The following CAST variants were observed in gnomAD, a reference collection of about 807,000 sequenced individuals.
The protein encoded by CAST is calpastatin.
Under a neutral mutation model 119.6 loss-of-function variants are expected in CAST, and 76 were observed. The observed-to-expected ratio is 0.64, with a 90% CI of 0.53 to 0.77. The LOEUF (loss-of-function observed/expected upper bound fraction) is 0.77. Ranked by LOEUF, CAST falls within the 30% of genes least tolerant of loss-of-function variation. CAST has a pLI of 0.00. For synonymous variants in CAST, 319 were observed against 331.6 expected (o/e 0.96, Z 0.41); for missense variants, 953 against 946.5 (o/e 1.01, Z -0.09).
the CAST span, among the ~76,000 whole-genome samples, chr5:96,240,121 C>T: frequency 6.6e-6 from 1 of 152,098 alleles, no homozygotes; most frequent in Non-Finnish European, 1.5e-5. Context: ...ATTTATTATA[C>T]CATAGATTAT....
chr5:96,660,412 G>A (rs1748259428), upstream of CAST, among the ~76,000 whole-genome samples: 1 of 152,246 alleles, frequency 6.6e-6, no homozygotes, highest in South Asian at 2.1e-4. Flanking sequence ...CTGGAGGACA[G>A]GCAATGTATC....
At chr5:96,176,522 C>A in the CAST span, among the ~76,000 whole-genome samples, 1 of 152,052 alleles carries the variant, frequency 6.6e-6, no homozygotes, top group Non-Finnish European at 1.5e-5. Context: ...AGGTAAGATG[C>A]CAAGTTTTTG....
At chr5:96,002,035 G>A in the CAST span, among the ~76,000 whole-genome samples, 1 of 152,194 alleles carries the variant, frequency 6.6e-6, no homozygotes, top group Admixed American at 6.5e-5. Flanking sequence ...CTGCTTATAT[G>A]TGAGTAATGG....
chr5:96,663,053 G>T, intron 1 of CAST: 1 of 700,498 alleles, frequency 1.4e-6, no homozygotes, highest in South Asian at 1.5e-5. Context: ...GCCAAGCGGA[G>T]TGTGAGCCCG....
chr5:96,730,462 G>T (rs1251436176), intron 8 of CAST, among the ~76,000 whole-genome samples: 2 of 152,166 alleles, frequency 1.3e-5, no homozygotes, highest in African/African-American at 2.4e-5. Flanking sequence ...TGAAAAATCA[G>T]ACTATCTAGT....
intron 1 of CAST, chr5:96,663,311 G>T (rs1183335479): frequency 1.5e-6 from 1 of 685,272 alleles, no homozygotes; most frequent in Non-Finnish European, 2.7e-6. Flanking sequence ...CGACCTCCTC[G>T]CAGACCTTCA....
At chr5:96,155,404 C>T in the CAST span, among the ~76,000 whole-genome samples, 2 of 152,188 alleles carry the variant, frequency 1.3e-5, no homozygotes, top group Non-Finnish European at 2.9e-5. Flanking sequence ...ATAACAAATT[C>T]AGCCTGAAGG....
At chr5:96,075,275 G>C in the CAST span, among the ~76,000 whole-genome samples, 1 of 152,190 alleles carries the variant, frequency 6.6e-6, no homozygotes, top group African/African-American at 2.4e-5. Context: ...AAGATGAAAT[G>C]TAAGGCTTTA....
the CAST span, among the ~76,000 whole-genome samples, chr5:96,143,103 AC>A: frequency 6.6e-6 from 1 of 152,264 alleles, no homozygotes; most frequent in African/African-American, 2.4e-5. Flanking sequence ...TGATATTGTA[AC>A]AACTAAAAGT....
chr5:95,996,904 C>T, the CAST span, among the ~76,000 whole-genome samples: 3 of 152,136 alleles, frequency 2.0e-5, no homozygotes, highest in African/African-American at 7.2e-5. Context: ...GATGTTAATC[C>T]AGTGCCTGGC....
chr5:96,357,062 G>A, the CAST span, among the ~76,000 whole-genome samples: 1 of 152,140 alleles, frequency 6.6e-6, no homozygotes, highest in Admixed American at 6.5e-5. Flanking sequence ...CTTGTAAGTT[G>A]CATTCCTAGG....
the CAST span, among the ~76,000 whole-genome samples, chr5:96,070,389 G>T: frequency 3.3e-5 from 5 of 152,182 alleles, no homozygotes; most frequent in Admixed American, 2.6e-4. Context: ...TGTGATGACT[G>T]ATTTTATGTA....
At chr5:96,039,015 A>G in the CAST span, among the ~76,000 whole-genome samples, 1 of 152,146 alleles carries the variant, frequency 6.6e-6, no homozygotes, top group Non-Finnish European at 1.5e-5. Flanking sequence ...CTATTTTTCC[A>G]CAACCTTTCC....
the CAST span, among the ~76,000 whole-genome samples, chr5:96,450,999 G>C: frequency 2.0e-5 from 3 of 152,104 alleles, no homozygotes; most frequent in African/African-American, 7.3e-5. Context: ...GGGATGTCCT[G>C]CTTCTACAGA....
the CAST span, among the ~76,000 whole-genome samples, chr5:96,447,181 T>C: frequency 3.9e-5 from 6 of 152,270 alleles, no homozygotes; most frequent in East Asian, 3.9e-4. Context: ...AGCCCAGGCG[T>C]AAGAAGCCAT....
At chr5:96,399,373 T>C in the CAST span, among the ~76,000 whole-genome samples, 1 of 152,216 alleles carries the variant, frequency 6.6e-6, no homozygotes, top group African/African-American at 2.4e-5. Flanking sequence ...TTGGATATTT[T>C]GTGTGAGCAG....
At chr5:96,016,829 GTTTTTT>G in the CAST span, among the ~76,000 whole-genome samples, 1 of 97,660 alleles carries the variant, frequency 1.0e-5, no homozygotes, top group Non-Finnish European at 1.9e-5. Context: ...GGTTATCTGG[GTTTTTT>G]TTTTTTTTTT....
the CAST span, among the ~76,000 whole-genome samples, chr5:96,363,423 G>A: frequency 1.3e-5 from 2 of 149,834 alleles, no homozygotes; most frequent in Admixed American, 1.3e-4. Context: ...AATTACCTTG[G>A]GCAGTATGGC....
the CAST span, among the ~76,000 whole-genome samples, chr5:96,136,981 T>C: frequency 6.6e-6 from 1 of 152,216 alleles, no homozygotes; most frequent in Non-Finnish European, 1.5e-5. Flanking sequence ...TGTTTCATAA[T>C]TTTTTAATAC....
Sources: gnomAD v4.1 joint callset for allele counts (sites outside exome capture counted in the v4.1 genomes callset) on GRCh38, gnomAD v4.1.1 for gene constraint, MANE v1.5 for transcripts, NCBI Gene and HGNC (gene_info 2026-07-23, HGNC 2026-07-21) for gene names.